MRNIP: variants seen among roughly 807,000 people sequenced by gnomAD.
MRNIP encodes MRN complex interacting protein.
A neutral mutation model predicts 29.8 loss-of-function variants in MRNIP; 30 were observed. The observed-to-expected ratio is 1.01, with a 90% CI of 0.75 to 1.36. The LOEUF (loss-of-function observed/expected upper bound fraction) is 1.36. Among genes scored for constraint, MRNIP ranks in the 40% most tolerant of loss-of-function variants. The pLI, the probability that MRNIP is intolerant of heterozygous loss-of-function variation, is 0.00. For missense variants in MRNIP, 459 were observed against 423.5 expected, an observed-to-expected ratio of 1.08 and a Z score of -0.74; for synonymous variants, 201 against 164.1, an observed-to-expected ratio of 1.23 and a Z score of -1.72.
At chr5:179,852,792 T>C (rs1357074510) in intron 2 of MRNIP, among the ~76,000 whole-genome samples, 1 of 152,158 alleles carries the variant, frequency 6.6e-6, no homozygotes, top group East Asian at 1.9e-4. Context: ...CAGGACAGTT[T>C]GGGGTCCTAG....
intron 2 of MRNIP, among the ~76,000 whole-genome samples, chr5:179,849,459 T>A (rs1759264995): frequency 6.7e-6 from 1 of 148,276 alleles, no homozygotes; most frequent in Non-Finnish European, 1.5e-5. Context: ...AGACGGAATT[T>A]GAGAGCATGG....
chr5:179,848,344 A>G (rs1759213980), intron 2 of MRNIP, among the ~76,000 whole-genome samples: 2 of 152,046 alleles, frequency 1.3e-5, no homozygotes, highest in African/African-American at 4.8e-5. Flanking sequence ...CCTACACAAA[A>G]TGGTTAGTGC....
chr5:179,858,117 T>G (rs1180218559), intron 1 of MRNIP, among the ~76,000 whole-genome samples: 2 of 151,950 alleles, frequency 1.3e-5, no homozygotes, highest in Non-Finnish European at 2.9e-5. Context: ...ATACGGTGAC[T>G]GCAGTGTTAA....
At chr5:179,858,683 C>T (rs1341123002) in intron 1 of MRNIP, 48 bp downstream of exon 1, 12 of 1,260,868 alleles carry the variant, frequency 9.5e-6, no homozygotes, top group Non-Finnish European at 1.2e-5. Flanking sequence ...ACTCCCCGTC[C>T]GCTGTCCCCG....
In MRNIP at chr5:179,837,359, T is replaced by G. The variant is rs903609899; in HGVS notation, c.*32A>C. 13 of 1,581,418 alleles carry G rather than the reference T, an allele frequency of 8.2e-6. No homozygotes were observed. The highest frequency in any genetic ancestry group is 2.2e-5 in the East Asian group (1 of 44,592). ...GGGGAACCCTGTCCCTCCTAACAAG[T>G]GTATCTCGATTAATAACCTGCCAGT... On this transcript the variant is annotated 3_prime_UTR_variant, in exon 7 of 7. Coordinates refer to ENST00000292586, the MANE Select transcript of MRNIP (RefSeq NM_016175.4).
At position 179,837,328 on chromosome 5, in the gene MRNIP, G is replaced by T. The variant is rs780421957; in HGVS notation, c.*63C>A. The T allele has an allele frequency of 5.8e-5, 92 of 1,587,920 alleles. 1 individual carries two copies. Among genetic ancestry groups the T allele is most frequent in the Non-Finnish European group, 7.8e-5 (91 of 1,166,578 alleles). On this transcript the variant is annotated 3_prime_UTR_variant, in exon 7 of 7. Coordinates refer to ENST00000292586, the MANE Select transcript of MRNIP (RefSeq NM_016175.4). ...GTTCTTACAGAGTATCTTTAAAAGT[G>T]CCTTAGGGGAACCCTGTCCCTCCTA...
At chr5:179,839,523 C>A (rs1758774227) in intron 6 of MRNIP, 1 of 152,264 alleles carries the variant, frequency 6.6e-6, no homozygotes, top group African/African-American at 2.4e-5. Flanking sequence ...CAGGGACTGG[C>A]CCGTGGCAGA....
At chr5:179,839,760 C>T (rs796107088) in intron 6 of MRNIP, 6 of 152,528 alleles carry the variant, frequency 3.9e-5, no homozygotes, top group African/African-American at 1.4e-4. Flanking sequence ...TGTGCCCTGG[C>T]TCCTCTGACA....
At chr5:179,858,418 A>G (rs1759695016) in intron 1 of MRNIP, among the ~76,000 whole-genome samples, 1 of 151,854 alleles carries the variant, frequency 6.6e-6, no homozygotes, top group South Asian at 2.1e-4. Flanking sequence ...TCTCACTGAA[A>G]CTGCGACAGC....
intron 4 of MRNIP, among the ~76,000 whole-genome samples, chr5:179,843,035 G>GAGGAAAGAAGGA (rs1476208185): frequency 1.6e-5 from 1 of 60,756 alleles, no homozygotes; most frequent in East Asian, 5.6e-4. Flanking sequence ...CTGTCGAAAG[G>GAGGAAAGAAGGA]AGGAAAGAAG....
At chr5:179,842,718 A>C (rs1389443522) in intron 4 of MRNIP, among the ~76,000 whole-genome samples, 1 of 143,410 alleles carries the variant, frequency 7.0e-6, no homozygotes, top group Non-Finnish European at 1.5e-5. Flanking sequence ...AAAAAAAAAA[A>C]AAAAAAAAAA....
chr5:179,840,989 T>G lies in MRNIP; in HGVS notation c.450-30A>C, dbSNP rs1409322008. The G allele has an allele frequency of 5.9e-6, 9 of 1,514,676 alleles. No individual in the cohort carries two copies. The African/African-American group carries it at 9.6e-5, about 16-fold the overall frequency. The allele number at this position is 1,514,676 out of a possible 1,614,324, so 93.8% of individuals were successfully genotyped here. ...CAGGACAGGACCGTCAGTAGTCCCG[T>G]GCTACTCTCCAGTGGCACCCCGAGC... On this transcript the variant is annotated intron_variant, in intron 5 of 6. Transcript: ENST00000292586.
chr5:179,843,081 GGCAGGCAA>G (rs146873343), intron 4 of MRNIP, among the ~76,000 whole-genome samples: 2,488 of 145,954 alleles, frequency 0.017, 28 homozygotes, highest in Middle Eastern at 0.028. Context: ...GAGGGAGGGA[GGCAGGCAA>G]GCAGGCAAGC....
intron 3 of MRNIP, 113 bp downstream of exon 3, chr5:179,847,865 G>A: frequency 1.4e-6 from 1 of 736,580 alleles, no homozygotes; most frequent in Non-Finnish European, 2.3e-6. Context: ...AGGGACCTGG[G>A]GCAGGTCCAG....
Position 179,840,917 on chromosome 5 carries a change from G to C in MRNIP, c.492C>G (p.Gly164=). The C allele has an allele frequency of 1.9e-6, 3 of 1,610,104 alleles. No homozygotes were observed. The highest frequency in any genetic ancestry group is 2.5e-6 in the Non-Finnish European group (3 of 1,177,684). ...RSTVQPPCSR[G]VQDSGGSEVA... is the part of the protein sequence containing the mutation. ...CCTCAGAGCCACCCGAGTCCTGCAC[G>C]CCACGGCTGCACGGAGGCTGGACGG... The change falls in exon 6 of 7, where the codon GGC becomes GGG. Residue 164 remains glycine (G), a synonymous_variant. Coordinates refer to ENST00000292586, the MANE Select transcript of MRNIP (RefSeq NM_016175.4).
At chr5:179,850,738 G>A (rs1018608257) in intron 2 of MRNIP, among the ~76,000 whole-genome samples, 1 of 152,220 alleles carries the variant, frequency 6.6e-6, no homozygotes, top group Admixed American at 6.5e-5. Context: ...AGGGACTGCT[G>A]GATGGATACT....
rs1759719496 is a variant in MRNIP at position 179,858,785 on chromosome 5, A to G, written c.12T>C (p.Leu4=). 8 of 1,540,720 alleles carry G rather than the reference A, an allele frequency of 5.2e-6. No homozygotes were observed. Among genetic ancestry groups the G allele is most frequent in the Admixed American group, 2.0e-5 (1 of 50,432 alleles). Residue 4 remains leucine, a synonymous_variant, in exon 1 of 7, where the codon CTT becomes CTC. Coordinates refer to ENST00000292586, the MANE Select transcript of MRNIP (RefSeq NM_016175.4). MAS[L]QRSRVLRCCS... ...AGCAGCGTAGCACCCGAGAACGCTG[A>G]AGCGACGCCATCCCTGCTTGTGCAG... is the stretch of plus-strand genomic sequence containing the variant.
intron 2 of MRNIP, among the ~76,000 whole-genome samples, chr5:179,850,100 G>C (rs1332095415): frequency 6.6e-6 from 1 of 151,852 alleles, no homozygotes; most frequent in African/African-American, 2.4e-5. Flanking sequence ...GATGGTACGA[G>C]ATGGAATTTG....
intron 3 of MRNIP, among the ~76,000 whole-genome samples, chr5:179,846,485 A>G (rs1180558180): frequency 1.3e-5 from 2 of 151,768 alleles, no homozygotes; most frequent in African/African-American, 2.4e-5. Context: ...ATTTCATCGT[A>G]TTGGCCAGGA....
Sources: gnomAD v4.1 joint callset for allele counts (sites outside exome capture counted in the v4.1 genomes callset) on GRCh38, gnomAD v4.1.1 for gene constraint, MANE v1.5 for transcripts, NCBI Gene and HGNC (gene_info 2026-07-23, HGNC 2026-07-21) for gene names.